GRK5: variants seen among roughly 807,000 people sequenced by gnomAD.
The protein encoded by GRK5 is G protein-coupled receptor kinase 5, also known as g protein-coupled receptor kinase GRK5.
GRK5 carries 40 observed loss-of-function variants against 78.4 expected under a neutral mutation model. That is an observed-to-expected ratio of 0.51 (90% CI 0.40 to 0.66). The LOEUF is 0.66. Among genes scored for constraint, GRK5 ranks in the 30% least tolerant of loss-of-function variants. The pLI, the probability that GRK5 is intolerant of heterozygous loss-of-function variation, is 0.00. For synonymous variants in GRK5, 289 were observed against 296.8 expected (o/e 0.97, Z 0.27); for missense variants, 598 against 759.9 (o/e 0.79, Z 2.50).
In GRK5 at chr10:119,262,306, T is replaced by C. The variant is rs538170086; in HGVS notation, c.52+54337T>C. On this transcript the variant is annotated intron_variant, in intron 1 of 15. Coordinates refer to ENST00000392870, the MANE Select transcript of GRK5 (RefSeq NM_005308.3). Reference sequence around the variant, plus strand: ...AGGGTTCTGTGCAGCCTGAAGATTATATATGAATGTTTTTAACTTTGGGTT... The same window carrying C: ...AGGGTTCTGTGCAGCCTGAAGATTACATATGAATGTTTTTAACTTTGGGTT... Among the ~76,000 whole-genome samples the C allele has an allele frequency of 4.0e-5, 6 of 151,296 alleles. No individual in the cohort carries two copies. In the East Asian group the frequency reaches 1.2e-3, roughly 29 times the overall value.
At chr10:119,283,572 T>A (rs4752271) in intron 1 of GRK5, among the ~76,000 whole-genome samples, 1 of 152,250 alleles carries the variant, frequency 6.6e-6, no homozygotes, top group Non-Finnish European at 1.5e-5. Flanking sequence ...CCAGTGCTGA[T>A]GGTGTCTCTG....
In GRK5 at chr10:119,431,412, C is replaced by T. The variant is rs1443281425; in HGVS notation, c.623C>T (p.Thr208Met). 15 of 1,613,648 alleles carry T rather than the reference C, an allele frequency of 9.3e-6. No homozygotes were observed. The highest frequency in any genetic ancestry group is 2.2e-5 in the East Asian group (1 of 44,848). Residue 208 changes from threonine (T) to methionine (M), a missense_variant, in exon 8 of 16, where the codon ACG becomes ATG. Physicochemically the swap from Thr to Met is moderately conservative, Grantham distance 81. Transcript: ENST00000392870. The surrounding 1 kb of genome is among the most constrained non-coding windows in gnomAD (Gnocchi z 4.8). The part of the protein sequence containing the change: ...GEVCACQVRA[T>M]GKMYACKRLE... The stretch of plus-strand genomic sequence containing the variant: ...GTCTGTGCCTGCCAGGTTCGGGCCA[C>T]GGGTAAAATGTATGCCTGCAAGCGC...
intron 2 of GRK5, among the ~76,000 whole-genome samples, chr10:119,340,922 A>T (rs534458216): frequency 6.6e-6 from 1 of 152,280 alleles, no homozygotes; most frequent in African/African-American, 2.4e-5. Context: ...TGGCCAGAGT[A>T]GTTTTCCTGT....
Position 119,453,443 on chromosome 10 carries a change from G to A in GRK5, c.1674+167G>A, listed in dbSNP as rs111248564. ...TATGTCCAAGGCCCCTGATACCCAC[G>A]GCAGCTGATGGGATCCCCGGGGAGA... is the stretch of plus-strand genomic sequence containing the variant. On this transcript the variant is annotated intron_variant, in intron 15 of 15. Transcript: ENST00000392870. 2.8e-3 allele frequency among the ~76,000 whole-genome samples: 430 copies of A among 152,260 alleles called. 2 individuals carry two copies. Among genetic ancestry groups the A allele is most frequent in the African/African-American group, 9.7e-3 (402 of 41,542 alleles).
At position 119,452,566 on chromosome 10, in the gene GRK5, G is replaced by A; in HGVS notation, c.1405-105G>A. The A allele has an allele frequency of 7.3e-7, 1 of 1,369,078 alleles. No individual in the cohort carries two copies. The highest frequency in any genetic ancestry group is 1.0e-6 in the Non-Finnish European group (1 of 989,836). 84.8% of individuals were successfully genotyped at this position (1,369,078 alleles called of 1,614,324 possible). On this transcript the variant is annotated intron_variant, in intron 13 of 15. Transcript: ENST00000392870. This position sits in a 1 kb window ranked among gnomAD's most constrained non-coding sequence, Gnocchi z 4.4. ...CTACCCATAGCAGTTCTGGGGGTGTGTCCTGGGAAGACTCCCTTCTGCTCC... is the reference window on the plus strand; with the variant it reads ...CTACCCATAGCAGTTCTGGGGGTGTATCCTGGGAAGACTCCCTTCTGCTCC...
intron 1 of GRK5, among the ~76,000 whole-genome samples, chr10:119,249,364 A>C (rs59205845): frequency 0.051 from 7,792 of 152,312 alleles, 696 homozygotes; most frequent in African/African-American, 0.18. Context: ...TAAATATCAT[A>C]TGTAGAATAC....
rs79383846 is a variant in GRK5, at chr10:119,267,807, C to T, written c.53-58709C>T. On this transcript the variant is annotated intron_variant, in intron 1 of 15. Coordinates refer to ENST00000392870, the MANE Select transcript of GRK5 (RefSeq NM_005308.3). The surrounding 1 kb of genome is among the most constrained non-coding windows in gnomAD (Gnocchi z 4.1). ...CAAACAATGACATGGAACAGGGAGG[C>T]GCTCCCATGTCAGAAGATGGGTCCT... 0.16 allele frequency among the ~76,000 whole-genome samples: 24,197 copies of T among 151,990 alleles called. 2,169 individuals carry two copies. Among genetic ancestry groups the T allele is most frequent in the South Asian group, 0.21 (1,029 of 4,818 alleles).
intron 1 of GRK5, among the ~76,000 whole-genome samples, chr10:119,320,240 C>A (rs955998307): frequency 2.0e-5 from 3 of 152,206 alleles, no homozygotes; most frequent in Non-Finnish European, 4.4e-5. Flanking sequence ...GTTTGGGCTT[C>A]TACAGTGGAC....
chr10:119,243,422 A>G (rs949905005), intron 1 of GRK5, among the ~76,000 whole-genome samples: 1 of 152,202 alleles, frequency 6.6e-6, no homozygotes, highest in African/African-American at 2.4e-5. Flanking sequence ...AATCCCAACT[A>G]TAGTGCTTAG....
At chr10:119,404,025 T>C (rs149713717) in intron 4 of GRK5, among the ~76,000 whole-genome samples, 1,624 of 152,102 alleles carry the variant, frequency 0.011, 32 homozygotes, top group African/African-American at 0.037. Context: ...ACATGTTTCA[T>C]TGGGGTATAT....
intron 1 of GRK5, among the ~76,000 whole-genome samples, chr10:119,306,091 C>G (rs901891618): frequency 1.3e-5 from 2 of 152,114 alleles, no homozygotes; most frequent in African/African-American, 4.8e-5. Context: ...GGAGTTGAAC[C>G]ACTGGGGCAG....
At position 119,406,730 on chromosome 10, in the gene GRK5, C is replaced by T. The variant is rs562240205; in HGVS notation, c.339+9958C>T. 2.6e-3 allele frequency among the ~76,000 whole-genome samples: 397 copies of T among 152,272 alleles called. 2 individuals are homozygous for T. The highest frequency in any genetic ancestry group is 8.6e-3 in the African/African-American group (356 of 41,544). ...ACAGCCTTGCGTACAGGCTGGAGGG[C>T]GGAAGAGGATTGAAAAGAAAACTTG... On this transcript the variant is annotated intron_variant, in intron 4 of 15. Coordinates refer to ENST00000392870, the MANE Select transcript of GRK5 (RefSeq NM_005308.3).
In GRK5 at chr10:119,431,028, C is replaced by T. The variant is rs574081727; in HGVS notation, c.598-359C>T. On this transcript the variant is annotated intron_variant, in intron 7 of 15. Transcript: ENST00000392870. The surrounding 1 kb of genome is among the most constrained non-coding windows in gnomAD (Gnocchi z 4.8). Reference sequence around the variant, plus strand: ...TCTTGAGGATCTCCTATCACTGCCTCCCAAAACAAACTTCTCTACCGGCAG... The same window carrying T: ...TCTTGAGGATCTCCTATCACTGCCTTCCAAAACAAACTTCTCTACCGGCAG... 2.0e-5 allele frequency among the ~76,000 whole-genome samples: 3 copies of T among 152,220 alleles called. No homozygotes were observed. The highest frequency in any genetic ancestry group is 4.4e-5 in the Non-Finnish European group (3 of 68,040).
chr10:119,311,914 A>C (rs371811068), intron 1 of GRK5, among the ~76,000 whole-genome samples: 4 of 137,816 alleles, frequency 2.9e-5, no homozygotes, highest in Admixed American at 7.4e-5. Context: ...TGAATTGTTC[A>C]TTTTTTTTTT....
chr10:119,324,947 C>T (rs1324819812), intron 1 of GRK5, among the ~76,000 whole-genome samples: 1 of 152,196 alleles, frequency 6.6e-6, no homozygotes, highest in Non-Finnish European at 1.5e-5. Context: ...AGTGTGAGGC[C>T]TTGGCCGTCT....
chr10:119,425,690 T>G (rs766451874), intron 6 of GRK5, among the ~76,000 whole-genome samples: 23 of 152,262 alleles, frequency 1.5e-4, no homozygotes, highest in Non-Finnish European at 3.1e-4. Flanking sequence ...CGTCTTTTCC[T>G]ATCCCGTGAG....
At position 119,321,433 on chromosome 10, in the gene GRK5, G is replaced by GC. The variant is rs146936518; in HGVS notation, c.53-5082dup. ...CAGCAGGGCTGTGTTCCCTCTGGGG[G>GC]CTCCGGGGAGAATCCTTCCTGGCCT... On this transcript the variant is annotated intron_variant, in intron 1 of 15. Coordinates refer to ENST00000392870, the MANE Select transcript of GRK5 (RefSeq NM_005308.3). Among the ~76,000 whole-genome samples the GC allele has an allele frequency of 9.5e-3, 1,445 of 152,300 alleles. 11 individuals are homozygous for GC. Among genetic ancestry groups the GC allele is most frequent in the South Asian group, 0.021 (99 of 4,826 alleles).
At chr10:119,216,458 C>T (rs1343383647) in intron 1 of GRK5, among the ~76,000 whole-genome samples, 4 of 152,192 alleles carry the variant, frequency 2.6e-5, no homozygotes, top group Admixed American at 2.6e-4. Flanking sequence ...GCCCTGTCCT[C>T]TGTTTCCGGC....
intron 8 of GRK5, among the ~76,000 whole-genome samples, chr10:119,433,183 G>A (rs760976340): frequency 1.8e-4 from 28 of 152,304 alleles, no homozygotes; most frequent in Non-Finnish European, 3.5e-4. Flanking sequence ...CAGCCTTGTC[G>A]GGGGTGCAGG....
Sources: allele counts gnomAD v4.1 joint callset (sites outside exome capture counted in the v4.1 genomes callset), GRCh38; gene constraint gnomAD v4.1.1; non-coding constraint Gnocchi (gnomAD v3.1); transcripts MANE v1.5; gene names NCBI Gene and HGNC (gene_info 2026-07-23, HGNC 2026-07-21).